Variants in PTPRK observed in about 807,000 individuals in gnomAD.
PTPRK encodes receptor-type tyrosine-protein phosphatase kappa.
A neutral mutation model predicts 178.0 loss-of-function variants in PTPRK; 75 were observed. That is an observed-to-expected ratio of 0.42 (90% CI 0.35 to 0.51). The LOEUF (loss-of-function observed/expected upper bound fraction) is 0.51. Ranked by LOEUF, PTPRK falls within the 20% of genes least tolerant of loss-of-function variation. The probability of loss-of-function intolerance (pLI) is 0.02; values close to 1 mark genes in which losing one functional copy is unlikely to be tolerated. For synonymous variants in PTPRK, 637 were observed against 620.6 expected (o/e 1.03, Z -0.39); for missense variants, 1,441 against 1,797.8 (o/e 0.80, Z 3.59).
At chr6:128,201,725 A>C in intron 6 of PTPRK, among the ~76,000 whole-genome samples, 1 of 151,976 alleles carries the variant, frequency 6.6e-6, no homozygotes, top group East Asian at 1.9e-4. Context: ...ACTAAATCAA[A>C]TTTTAAAAAT....
intron 7 of PTPRK, among the ~76,000 whole-genome samples, chr6:128,122,068 G>A (rs922302906): frequency 6.6e-6 from 1 of 152,000 alleles, no homozygotes; most frequent in Non-Finnish European, 1.5e-5. Context: ...TCTGTTAATT[G>A]TTCTATTTGA....
intron 5 of PTPRK, chr6:128,238,185 CAAAAAAA>C (rs58051125): frequency 4.4e-5 from 9 of 206,476 alleles, no homozygotes; most frequent in East Asian, 1.4e-4. Context: ...TAGCAAACGC[CAAAAAAA>C]AAAAAAAAAA....
chr6:128,393,089 CTTTT>C (rs755172831), intron 2 of PTPRK, among the ~76,000 whole-genome samples: 1 of 124,892 alleles, frequency 8.0e-6, no homozygotes, highest in Admixed American at 8.1e-5. Flanking sequence ...TTCATAAGGA[CTTTT>C]TTTTTTTTTT....
At chr6:127,981,623 C>T (rs536991553) in intron 24 of PTPRK, among the ~76,000 whole-genome samples, 6 of 151,970 alleles carry the variant, frequency 3.9e-5, no homozygotes, top group South Asian at 4.2e-4. Flanking sequence ...CACTGGGAAA[C>T]GGTATCATTT....
At chr6:128,138,164 T>A (rs1036191768) in intron 7 of PTPRK, among the ~76,000 whole-genome samples, 12 of 152,102 alleles carry the variant, frequency 7.9e-5, no homozygotes, top group African/African-American at 2.9e-4. Flanking sequence ...CGTGTTCTTG[T>A]TTAGATATTA....
At chr6:128,359,302 C>T (rs1399646707) in intron 2 of PTPRK, among the ~76,000 whole-genome samples, 2 of 151,768 alleles carry the variant, frequency 1.3e-5, no homozygotes, top group Admixed American at 1.3e-4. Flanking sequence ...AGGCGTGAGC[C>T]ACCACATCTA....
intron 2 of PTPRK, among the ~76,000 whole-genome samples, chr6:128,354,028 T>A (rs1280542938): frequency 1.3e-5 from 2 of 152,140 alleles, no homozygotes; most frequent in South Asian, 2.1e-4. Flanking sequence ...TAACTGCATG[T>A]GAATTTATAA....
chr6:128,205,863 T>C (rs1158235405), intron 6 of PTPRK, among the ~76,000 whole-genome samples: 3 of 151,220 alleles, frequency 2.0e-5, no homozygotes, highest in Non-Finnish European at 2.9e-5. Context: ...GCCCTGCTTA[T>C]TGACATATTT....
intron 1 of PTPRK, among the ~76,000 whole-genome samples, chr6:128,507,094 G>A (rs1356601845): frequency 2.6e-5 from 4 of 152,078 alleles, no homozygotes; most frequent in Non-Finnish European, 4.4e-5. Flanking sequence ...GTAAAAACAT[G>A]TTGGAATGTA....
chr6:127,976,269 T>C (rs2114613209), intron 27 of PTPRK, among the ~76,000 whole-genome samples: 1 of 147,390 alleles, frequency 6.8e-6, no homozygotes, highest in African/African-American at 2.6e-5. Flanking sequence ...TTCTCTGTCA[T>C]TATTGTTATT....
chr6:128,249,318 A>ATT lies in PTPRK; in HGVS notation c.496-6718_496-6717dup, dbSNP rs145237497. On this transcript the variant is annotated intron_variant, in intron 3 of 29. Transcript: ENST00000368226. ...TGATTTAAAAAAAAAAAAAAACAGT[A>ATT]TTTTTTTTTTAATTTAAGCCCAGAA... is the stretch of plus-strand genomic sequence containing the variant. Among the ~76,000 whole-genome samples the ATT allele has an allele frequency of 4.5e-3, 660 of 146,902 alleles. 1 individual carries two copies. The highest frequency in any genetic ancestry group is 0.016 in the African/African-American group (635 of 39,804).
At chr6:127,986,275 G>T (rs1417679641) in intron 21 of PTPRK, among the ~76,000 whole-genome samples, 1 of 152,248 alleles carries the variant, frequency 6.6e-6, no homozygotes, top group Admixed American at 6.5e-5. Context: ...CAACTTTCCA[G>T]CTTCTCACCT....
chr6:128,520,194 C>G, intron 1 of PTPRK, 65 bp downstream of exon 1: 1 of 1,402,368 alleles, frequency 7.1e-7, no homozygotes, highest in East Asian at 2.5e-5. Flanking sequence ...CTAGCGGGGA[C>G]CTGGCTCACC....
chr6:128,196,560 AAT>A (rs1363870094), intron 6 of PTPRK, among the ~76,000 whole-genome samples: 1 of 152,170 alleles, frequency 6.6e-6, no homozygotes, highest in Non-Finnish European at 1.5e-5. Flanking sequence ...ATAGTATCAA[AAT>A]AAGTCATATC....
intron 1 of PTPRK, among the ~76,000 whole-genome samples, chr6:128,488,934 A>G (rs916948042): frequency 6.6e-6 from 1 of 152,124 alleles, no homozygotes; most frequent in Non-Finnish European, 1.5e-5. Flanking sequence ...CAAAAAAAAA[A>G]TAAGAAAAAC....
chr6:128,108,069 A>AACACACACACACAC (rs67513455), intron 7 of PTPRK, among the ~76,000 whole-genome samples: 117 of 133,854 alleles, frequency 8.7e-4, no homozygotes, highest in Non-Finnish European at 1.6e-3. Context: ...TAAATAGCAA[A>AACACACACACACAC]ACACACACAC....
At chr6:128,242,748 C>T in intron 3 of PTPRK, 146 bp from the exon 4 acceptor site, 1 of 1,266,184 alleles carries the variant, frequency 7.9e-7, no homozygotes, top group Non-Finnish European at 1.0e-6. Context: ...AAGTAATTTC[C>T]TAACTCTTGT....
In PTPRK at chr6:128,082,564, T is replaced by C. The variant is rs1785007474; in HGVS notation, c.1650A>G (p.Leu550=). The C allele has an allele frequency of 1.9e-6, 3 of 1,612,322 alleles. No homozygotes were observed. Among genetic ancestry groups the C allele is most frequent in the Non-Finnish European group, 2.5e-6 (3 of 1,178,702 alleles). The change falls in exon 10 of 30, where the codon TTA becomes TTG. Residue 550 remains leucine, a synonymous_variant. Transcript: ENST00000368226. The part of the protein sequence containing the change: ...VAGPPQTVSN[L]WNSTHHVFMH... Reference sequence around the variant, plus strand: ...TAAAGACATGGTGTGTACTGTTCCATAAATTTGATACAGTCTGGGGAGGTC... The same window carrying C: ...TAAAGACATGGTGTGTACTGTTCCACAAATTTGATACAGTCTGGGGAGGTC...
At chr6:128,015,032 T>C (rs969723381) in intron 13 of PTPRK, among the ~76,000 whole-genome samples, 12 of 151,662 alleles carry the variant, frequency 7.9e-5, no homozygotes, top group Non-Finnish European at 1.6e-4. Context: ...AGTGCAAAAG[T>C]CTATGAAGAC....
Sources: allele counts gnomAD v4.1 joint callset (sites outside exome capture counted in the v4.1 genomes callset), GRCh38; gene constraint gnomAD v4.1.1; transcripts MANE v1.5; gene names NCBI Gene and HGNC (gene_info 2026-07-23, HGNC 2026-07-21).